Variants in RBFOX1 observed in about 807,000 individuals in gnomAD.
RBFOX1 encodes RNA binding fox-1 homolog 1.
A neutral mutation model predicts 57.7 loss-of-function variants in RBFOX1; 8 were observed. The ratio of observed to expected loss-of-function variants is 0.14; its 90% confidence interval spans 0.08 to 0.25. The LOEUF (loss-of-function observed/expected upper bound fraction) is 0.25, where lower values mean the gene tolerates loss of function less well. RBFOX1 is among the 10% of genes least tolerant of loss of function. RBFOX1 has a pLI of 1.00. For missense variants in RBFOX1, 611 were observed against 548.5 expected (o/e 1.11, Z -1.14); for synonymous variants, 326 against 222.4 (o/e 1.47, Z -4.15).
At chr16:6,513,452 G>C (rs1214965532) in intron 2 of RBFOX1, among the ~76,000 whole-genome samples, 1 of 152,174 alleles carries the variant, frequency 6.6e-6, no homozygotes, top group Admixed American at 6.5e-5. Context: ...GAGACCATGA[G>C]GCCGGGCGCG....
chr16:7,250,014 A>T (rs1603446928), intron 4 of RBFOX1, among the ~76,000 whole-genome samples: 1 of 152,234 alleles, frequency 6.6e-6, no homozygotes, highest in East Asian at 1.9e-4. Flanking sequence ...TTTTTATAAA[A>T]AATAGAACCT....
chr16:5,373,298 C>G (rs1369971933), intron 1 of RBFOX1, among the ~76,000 whole-genome samples: 1 of 152,090 alleles, frequency 6.6e-6, no homozygotes, highest in Non-Finnish European at 1.5e-5. Flanking sequence ...ATTTATGTCC[C>G]CAAGCAAATT....
intron 3 of RBFOX1, among the ~76,000 whole-genome samples, chr16:6,907,832 C>G (rs1032007062): frequency 2.6e-5 from 4 of 151,674 alleles, no homozygotes; most frequent in African/African-American, 9.7e-5. Flanking sequence ...CCTCGGCCTC[C>G]CAAAGTGCTG....
intron 2 of RBFOX1, among the ~76,000 whole-genome samples, chr16:6,431,951 T>TTCTC (rs1490102442): frequency 1.4e-5 from 2 of 145,378 alleles, no homozygotes; most frequent in Admixed American, 6.9e-5. Flanking sequence ...CTTTCTTTCT[T>TTCTC]TCTTTCTTTC....
intron 3 of RBFOX1, among the ~76,000 whole-genome samples, chr16:6,683,042 T>C (rs2058907055): frequency 1.3e-5 from 2 of 152,042 alleles, no homozygotes; most frequent in Admixed American, 1.3e-4. Context: ...ATGACCCTGC[T>C]TTTAGGAGAG....
At chr16:7,629,063 C>T (rs1275925202) in intron 10 of RBFOX1, among the ~76,000 whole-genome samples, 1 of 152,158 alleles carries the variant, frequency 6.6e-6, no homozygotes, top group Non-Finnish European at 1.5e-5. Context: ...GGCTATTTTG[C>T]GGGTGGGGGT....
chr16:5,348,882 C>A (rs1168461561), intron 1 of RBFOX1, among the ~76,000 whole-genome samples: 1 of 152,210 alleles, frequency 6.6e-6, no homozygotes. Context: ...CAAACTTGGG[C>A]ATGCAGGCAT....
chr16:5,472,272 A>T (rs648606), intron 2 of RBFOX1, among the ~76,000 whole-genome samples: 104,811 of 151,928 alleles, frequency 0.69, 36,453 homozygotes, highest in Admixed American at 0.75. Flanking sequence ...CCTGGGGAGG[A>T]GGGCCTGGCA....
chr16:5,535,235 A>C (rs541162577), intron 2 of RBFOX1, among the ~76,000 whole-genome samples: 1 of 152,320 alleles, frequency 6.6e-6, no homozygotes, highest in African/African-American at 2.4e-5. Context: ...GCTAGTGTTT[A>C]CTGCAATGAA....
At chr16:6,703,263 C>G (rs60377260) in intron 3 of RBFOX1, among the ~76,000 whole-genome samples, 104 of 151,888 alleles carry the variant, frequency 6.8e-4, no homozygotes, top group African/African-American at 2.5e-3. Context: ...TATTACAGAG[C>G]TGTTAATTTC....
At chr16:5,653,105 T>C (rs2049295675) in intron 3 of RBFOX1, among the ~76,000 whole-genome samples, 1 of 149,600 alleles carries the variant, frequency 6.7e-6, no homozygotes, top group Non-Finnish European at 1.5e-5. Context: ...GTGCTGGGCC[T>C]TTGTGTGGAA....
chr16:5,257,930 G>A (rs2062630811), intron 1 of RBFOX1, among the ~76,000 whole-genome samples: 1 of 152,184 alleles, frequency 6.6e-6, no homozygotes, highest in East Asian at 1.9e-4. Flanking sequence ...CCAGGCTGGA[G>A]TGCAGTGGTG....
intron 11 of RBFOX1, among the ~76,000 whole-genome samples, chr16:7,632,328 C>G (rs1424576877): frequency 6.6e-6 from 1 of 152,178 alleles, no homozygotes; most frequent in Non-Finnish European, 1.5e-5. Context: ...GAATTTGTGA[C>G]AACAAATTCA....
At chr16:7,473,782 T>A (rs909462711) in intron 4 of RBFOX1, among the ~76,000 whole-genome samples, 1 of 151,902 alleles carries the variant, frequency 6.6e-6, no homozygotes, top group African/African-American at 2.4e-5. Flanking sequence ...ATGAATGGAG[T>A]GTGTAGACAT....
intron 3 of RBFOX1, among the ~76,000 whole-genome samples, chr16:5,693,957 C>A (rs1167140898): frequency 6.6e-6 from 1 of 152,134 alleles, no homozygotes; most frequent in Non-Finnish European, 1.5e-5. Context: ...ACCCATTTTC[C>A]CCAGTTAGAG....
At chr16:6,630,927 AT>A (rs112350396) in intron 2 of RBFOX1, among the ~76,000 whole-genome samples, 45 of 152,188 alleles carry the variant, frequency 3.0e-4, no homozygotes, top group Middle Eastern at 3.4e-3. Context: ...TTAGACTTCA[AT>A]TAAAAAAATG....
chr16:5,491,687 G>C (rs1443076217), intron 2 of RBFOX1, among the ~76,000 whole-genome samples: 1 of 152,208 alleles, frequency 6.6e-6, no homozygotes, highest in Non-Finnish European at 1.5e-5. Context: ...CCATGAGCTA[G>C]ACTTTGCATT....
At chr16:5,700,411 C>G (rs912072308) in intron 3 of RBFOX1, among the ~76,000 whole-genome samples, 1 of 151,954 alleles carries the variant, frequency 6.6e-6, no homozygotes, top group Non-Finnish European at 1.5e-5. Context: ...ATATTAGATT[C>G]ATAGTTGTTT....
intron 1 of RBFOX1, among the ~76,000 whole-genome samples, chr16:6,142,612 C>T (rs2096727659): frequency 6.6e-6 from 1 of 152,122 alleles, no homozygotes; most frequent in Admixed American, 6.6e-5. Context: ...GCCTTTTGAC[C>T]AGCACATAGA....
Sources: gnomAD v4.1 joint callset for allele counts (sites outside exome capture counted in the v4.1 genomes callset) on GRCh38, gnomAD v4.1.1 for gene constraint, MANE v1.5 for transcripts, NCBI Gene and HGNC (gene_info 2026-07-23, HGNC 2026-07-21) for gene names.